ATAD2B: variants seen among roughly 807,000 people sequenced by gnomAD.
ATAD2B encodes the protein ATPase family AAA domain containing 2B.
Under a neutral mutation model 167.6 loss-of-function variants are expected in ATAD2B, and 40 were observed. The ratio of observed to expected loss-of-function variants is 0.24; its 90% CI spans 0.19 to 0.31. The LOEUF (loss-of-function observed/expected upper bound fraction) is 0.31. ATAD2B is among the 10% of genes least tolerant of loss of function. The pLI, the probability that ATAD2B is intolerant of heterozygous loss-of-function variation, is 1.00. For missense variants in ATAD2B, 1,242 were observed against 1,757.2 expected, an observed-to-expected ratio of 0.71 and a Z score of 5.24; for synonymous variants, 579 against 596.5, an observed-to-expected ratio of 0.97 and a Z score of 0.43.
At chr2:23,732,904 C>CTATT in the ATAD2B span, among the ~76,000 whole-genome samples, 1 of 152,168 alleles carries the variant, frequency 6.6e-6, no homozygotes, top group Admixed American at 6.5e-5. Context: ...CCTGGTTATG[C>CTATT]TATTTAACTA....
chr2:23,818,287 G>A (rs1686875013), intron 17 of ATAD2B, among the ~76,000 whole-genome samples: 1 of 119,494 alleles, frequency 8.4e-6, no homozygotes, highest in Admixed American at 8.4e-5. Context: ...GAAGAAGAGA[G>A]GGAGGGGGGA....
At chr2:23,743,481 C>T in the ATAD2B span, among the ~76,000 whole-genome samples, 1 of 150,260 alleles carries the variant, frequency 6.7e-6, no homozygotes, top group Non-Finnish European at 1.5e-5. Flanking sequence ...GAGAATCGCT[C>T]GAACCCGGGA....
At chr2:23,888,534 G>A (rs934415681) in intron 2 of ATAD2B, 135 bp from the exon 3 acceptor site, 9 of 574,820 alleles carry the variant, frequency 1.6e-5, no homozygotes, top group Non-Finnish European at 2.7e-5. Flanking sequence ...CTGTAAGATT[G>A]GTAATATGTC....
chr2:23,862,439 C>T (rs1285185702), intron 12 of ATAD2B, among the ~76,000 whole-genome samples: 1 of 113,278 alleles, frequency 8.8e-6, no homozygotes, highest in Non-Finnish European at 1.6e-5. Flanking sequence ...GAGACAGAGT[C>T]TCACTCTATT....
At chr2:23,829,516 T>A (rs1688726232) in intron 14 of ATAD2B, among the ~76,000 whole-genome samples, 1 of 152,156 alleles carries the variant, frequency 6.6e-6, no homozygotes, top group Non-Finnish European at 1.5e-5. Flanking sequence ...TTTGGGATGC[T>A]GAGGTAGGAG....
In ATAD2B at chr2:23,757,475, C is replaced by T. The variant is rs760867645; in HGVS notation, c.4021G>A (p.Glu1341Lys). ...ACATCAGAGCCAGGTTCTAACTTCT[C>T]ATTATTGCTACATTCCAGTGCCTCT... is the stretch of plus-strand genomic sequence containing the variant. ...KLEALECSNN[E>K]KLEPGSDVEV... Residue 1341 changes from glutamate to lysine, a missense_variant, in exon 25 of 28, where the codon GAG (glutamate) becomes AAG (lysine). Glu to Lys is a moderately conservative substitution (Grantham distance 56). Transcript: ENST00000238789. 6 of 1,532,688 alleles carry T rather than the reference C, an allele frequency of 3.9e-6. No homozygotes were observed. Among genetic ancestry groups the T allele is most frequent in the Non-Finnish European group, 5.2e-6 (6 of 1,146,312 alleles). The allele number at this position is 1,532,688 out of a possible 1,614,324, so 94.9% of individuals were successfully genotyped here.
intron 17 of ATAD2B, among the ~76,000 whole-genome samples, chr2:23,814,047 G>A (rs1686044805): frequency 1.3e-5 from 2 of 152,038 alleles, no homozygotes; most frequent in South Asian, 2.1e-4. Context: ...GAGCTCAGGA[G>A]TTCAAGACTA....
downstream of ATAD2B, among the ~76,000 whole-genome samples, chr2:23,743,689 C>T (rs371823636): frequency 1.3e-5 from 2 of 151,950 alleles, no homozygotes; most frequent in African/African-American, 4.8e-5. Flanking sequence ...GCAGGTGCTG[C>T]GATCTTGGGT....
intron 1 of ATAD2B, among the ~76,000 whole-genome samples, chr2:23,921,473 A>G (rs1449945430): frequency 6.6e-6 from 1 of 152,134 alleles, no homozygotes; most frequent in Admixed American, 6.6e-5. Context: ...AGAAGTTATG[A>G]GTTTACCTAT....
At chr2:23,821,135 T>G (rs1054709683) in intron 16 of ATAD2B, among the ~76,000 whole-genome samples, 1 of 152,146 alleles carries the variant, frequency 6.6e-6, no homozygotes, top group African/African-American at 2.4e-5. Context: ...CAAATAAAAT[T>G]TGGTTGCTCT....
At chr2:23,706,111 C>T in the ATAD2B span, among the ~76,000 whole-genome samples, 1 of 152,300 alleles carries the variant, frequency 6.6e-6, no homozygotes, top group African/African-American at 2.4e-5. Context: ...AGTCATGTTC[C>T]CAATTTGATT....
At chr2:23,764,379 T>A (rs1558499217) in intron 23 of ATAD2B, among the ~76,000 whole-genome samples, 1 of 152,212 alleles carries the variant, frequency 6.6e-6, no homozygotes, top group Admixed American at 6.5e-5. Flanking sequence ...CAAATAAAGA[T>A]TTCTTGGCCT....
intron 22 of ATAD2B, among the ~76,000 whole-genome samples, chr2:23,778,905 G>A (rs1233182098): frequency 2.6e-5 from 4 of 152,128 alleles, no homozygotes; most frequent in Non-Finnish European, 5.9e-5. Flanking sequence ...AGCAGTCTCT[G>A]CGTCTTGAAA....
intron 19 of ATAD2B, among the ~76,000 whole-genome samples, chr2:23,797,366 A>G (rs766145814): frequency 4.2e-4 from 64 of 152,122 alleles, no homozygotes; most frequent in Non-Finnish European, 7.5e-4. Context: ...ATCAACTATG[A>G]TTTTACCTTA....
chr2:23,708,561 TGTTAA>T, the ATAD2B span: 5 of 152,238 alleles, frequency 3.3e-5, no homozygotes, highest in Non-Finnish European at 7.3e-5. Context: ...ATATGTTTAC[TGTTAA>T]GTTCTTGTTA....
At chr2:23,856,538 G>T in intron 13 of ATAD2B, 1 of 248,218 alleles carries the variant, frequency 4.0e-6, no homozygotes, top group Non-Finnish European at 8.8e-6. Flanking sequence ...AATACTCCTG[G>T]GGAGTGAAAA....
chr2:23,814,615 T>C (rs1460981374), intron 17 of ATAD2B, among the ~76,000 whole-genome samples: 1 of 152,166 alleles, frequency 6.6e-6, no homozygotes, highest in Non-Finnish European at 1.5e-5. Flanking sequence ...ATACAGTTCA[T>C]ACAGCCAGTT....
intron 17 of ATAD2B, 74 bp from the exon 18 acceptor site, chr2:23,810,576 T>C: frequency 8.0e-7 from 1 of 1,255,228 alleles, no homozygotes; most frequent in Non-Finnish European, 1.1e-6. Context: ...CAGGCAAAAT[T>C]TTTACATTAA....
the ATAD2B span, chr2:23,707,440 T>G: frequency 6.6e-6 from 1 of 152,220 alleles, no homozygotes; most frequent in African/African-American, 2.4e-5. Flanking sequence ...AGAGGGATAA[T>G]GTTGTGGGAA....
Sources: allele counts gnomAD v4.1 joint callset (sites outside exome capture counted in the v4.1 genomes callset), GRCh38; gene constraint gnomAD v4.1.1; transcripts MANE v1.5; gene names NCBI Gene and HGNC (gene_info 2026-07-23, HGNC 2026-07-21).